SLC2A13: variants seen among roughly 807,000 people sequenced by gnomAD.
SLC2A13 encodes solute carrier family 2 member 13, also known as proton myo-inositol cotransporter.
SLC2A13 carries 32 observed loss-of-function variants against 64.4 expected under a neutral mutation model. The observed-to-expected ratio is 0.50, with a 90% CI of 0.37 to 0.67. The LOEUF is 0.67. Ranked by LOEUF, SLC2A13 falls within the 30% of genes least tolerant of loss-of-function variation. The pLI is 0.00. For synonymous variants in SLC2A13, 338 were observed against 327.1 expected (o/e 1.03, Z -0.36); for missense variants, 743 against 829.2 (o/e 0.90, Z 1.28).
intron 4 of SLC2A13, 185 bp downstream of exon 4, chr12:39,951,072 C>T: frequency 2.0e-6 from 1 of 493,864 alleles, no homozygotes; most frequent in Non-Finnish European, 3.5e-6. Context: ...AATAAATCAC[C>T]TTTATCTAGT....
intron 1 of SLC2A13, among the ~76,000 whole-genome samples, chr12:40,055,894 G>C (rs1290848895): frequency 1.3e-5 from 2 of 151,174 alleles, no homozygotes; most frequent in African/African-American, 2.4e-5. Context: ...AAGCTAGGCA[G>C]GTACCACAAA....
At chr12:40,078,047 C>G (rs1938246848) in intron 1 of SLC2A13, among the ~76,000 whole-genome samples, 1 of 151,976 alleles carries the variant, frequency 6.6e-6, no homozygotes, top group South Asian at 2.1e-4. Flanking sequence ...CTAGAAGCCT[C>G]TGGAGAGAGA....
intron 3 of SLC2A13, among the ~76,000 whole-genome samples, chr12:39,956,973 G>T (rs1226001444): frequency 5.9e-5 from 9 of 151,956 alleles, no homozygotes; most frequent in African/African-American, 2.2e-4. Context: ...TCAATTTAGG[G>T]CCCTATAATT....
chr12:40,098,496 A>T (rs1412989015), intron 1 of SLC2A13, among the ~76,000 whole-genome samples: 2 of 152,234 alleles, frequency 1.3e-5, no homozygotes, highest in Admixed American at 1.3e-4. Context: ...TGTGTTCTTT[A>T]CCACAATAAA....
intron 7 of SLC2A13, among the ~76,000 whole-genome samples, chr12:39,769,355 C>A (rs1940477207): frequency 6.6e-6 from 1 of 151,940 alleles, no homozygotes; most frequent in Non-Finnish European, 1.5e-5. Context: ...TAAAATAAAA[C>A]CAGGAATTTG....
chr12:39,963,062 G>A (rs925326180), intron 3 of SLC2A13, among the ~76,000 whole-genome samples: 9 of 152,196 alleles, frequency 5.9e-5, no homozygotes, highest in South Asian at 4.1e-4. Context: ...TGAGGCAGGC[G>A]GATCACGAGG....
Position 40,105,251 on chromosome 12 carries a change from AC to A in SLC2A13, c.556+1del. 6.3e-7 allele frequency: 1 copy of A among 1,585,832 alleles called. No homozygotes were observed. Among genetic ancestry groups the A allele is most frequent in the Non-Finnish European group, 8.6e-7 (1 of 1,169,058 alleles). ...GGCGCCCTTCACGGAGCCCGAACTC[AC>A]CGATGCCGAGTCCCACGACCAGGCG... On this transcript the variant is annotated splice_donor_variant, in intron 1 of 9. Coordinates refer to ENST00000280871, the MANE Select transcript of SLC2A13 (RefSeq NM_052885.4). LOFTEE classifies it high-confidence loss of function. The surrounding 1 kb of genome is among the most constrained non-coding windows in gnomAD (Gnocchi z 4.2).
At chr12:40,082,650 A>G (rs1938449230) in intron 1 of SLC2A13, among the ~76,000 whole-genome samples, 1 of 152,216 alleles carries the variant, frequency 6.6e-6, no homozygotes, top group Non-Finnish European at 1.5e-5. Context: ...CTAGAGGAGT[A>G]CAGTGGGCCT....
chr12:40,018,251 T>C, intron 3 of SLC2A13, among the ~76,000 whole-genome samples: 1 of 152,216 alleles, frequency 6.6e-6, no homozygotes, highest in South Asian at 2.1e-4. Flanking sequence ...ATGGTTGTAC[T>C]GTAACAGCAG....
At chr12:39,783,653 C>T (rs1392705984) in intron 7 of SLC2A13, among the ~76,000 whole-genome samples, 1 of 152,176 alleles carries the variant, frequency 6.6e-6, no homozygotes, top group Admixed American at 6.5e-5. Context: ...TGTCTGTTGG[C>T]TGCATAAATG....
At chr12:39,902,001 A>G (rs1423130749) in intron 4 of SLC2A13, among the ~76,000 whole-genome samples, 2 of 152,148 alleles carry the variant, frequency 1.3e-5, no homozygotes, top group Non-Finnish European at 1.5e-5. Flanking sequence ...ACCATGGAAT[A>G]CTATGCAGCC....
At chr12:39,978,249 T>TGGAA (rs1946801694) in intron 3 of SLC2A13, among the ~76,000 whole-genome samples, 1 of 152,236 alleles carries the variant, frequency 6.6e-6, no homozygotes, top group Non-Finnish European at 1.5e-5. Flanking sequence ...GGAAGAACTC[T>TGGAA]TAATTGGTGA....
At chr12:40,089,008 C>T (rs1179043468) in intron 1 of SLC2A13, among the ~76,000 whole-genome samples, 1 of 152,012 alleles carries the variant, frequency 6.6e-6, no homozygotes, top group Admixed American at 6.6e-5. Context: ...TGAAAATTTA[C>T]CAAAAATGTG....
rs555125811 is a variant in SLC2A13, at chr12:40,098,067, G to GTA, written c.556+7184_556+7185dup. On this transcript the variant is annotated intron_variant, in intron 1 of 9. Coordinates refer to ENST00000280871, the MANE Select transcript of SLC2A13 (RefSeq NM_052885.4). ...TATATGTGTATATATGTATATATGT[G>GTA]TATATATATGTATATATGCATATAT... Among the ~76,000 whole-genome samples, 8 of 150,800 alleles carry GTA rather than the reference G, an allele frequency of 5.3e-5. No individual in the cohort carries two copies. In the East Asian group the frequency reaches 1.2e-3, roughly 22 times the overall value.
At chr12:39,916,803 T>C (rs1047698638) in intron 4 of SLC2A13, among the ~76,000 whole-genome samples, 1 of 120,840 alleles carries the variant, frequency 8.3e-6, no homozygotes, top group Non-Finnish European at 1.7e-5. Flanking sequence ...AGTCATTGTC[T>C]TGTGGAAGGA....
At chr12:39,810,739 T>C (rs1942132371) in intron 7 of SLC2A13, among the ~76,000 whole-genome samples, 1 of 152,250 alleles carries the variant, frequency 6.6e-6, no homozygotes, top group African/African-American at 2.4e-5. Context: ...ATCATATGAT[T>C]TTTCTCTTTT....
intron 3 of SLC2A13, among the ~76,000 whole-genome samples, chr12:39,963,865 T>A (rs764089374): frequency 6.6e-6 from 1 of 152,202 alleles, no homozygotes; most frequent in African/African-American, 2.4e-5. Context: ...TAACCATGTA[T>A]GATTCATGCT....
intron 7 of SLC2A13, among the ~76,000 whole-genome samples, chr12:39,797,279 T>TGCAAAC (rs1441283420): frequency 1.3e-5 from 2 of 152,204 alleles, no homozygotes; most frequent in African/African-American, 4.8e-5. Flanking sequence ...GCAATGTAAT[T>TGCAAAC]ATCTTTAAGT....
chr12:39,832,584 G>A (rs1942885102), intron 6 of SLC2A13, among the ~76,000 whole-genome samples: 1 of 151,946 alleles, frequency 6.6e-6, no homozygotes, highest in Non-Finnish European at 1.5e-5. Flanking sequence ...TGATCTTCCT[G>A]TGACCTACTA....
Sources: allele counts gnomAD v4.1 joint callset (sites outside exome capture counted in the v4.1 genomes callset), GRCh38; gene constraint gnomAD v4.1.1; non-coding constraint Gnocchi (gnomAD v3.1); transcripts MANE v1.5; gene names NCBI Gene and HGNC (gene_info 2026-07-23, HGNC 2026-07-21).